PDE4D: variants seen among roughly 807,000 people sequenced by gnomAD.
PDE4D encodes 3',5'-cyclic-AMP phosphodiesterase 4D.
A neutral mutation model predicts 87.4 loss-of-function variants in PDE4D; 24 were observed. The ratio of observed to expected loss-of-function variants is 0.27; its 90% CI spans 0.20 to 0.39. The LOEUF (loss-of-function observed/expected upper bound fraction) is 0.39, where lower values mean the gene tolerates loss of function less well. PDE4D is among the 10% of genes least tolerant of loss of function. The pLI, the probability that PDE4D is intolerant of heterozygous loss-of-function variation, is 1.00. For synonymous variants in PDE4D, 384 were observed against 383.2 expected, an observed-to-expected ratio of 1.00 and a Z score of -0.02; for missense variants, 714 against 1,041.0, an observed-to-expected ratio of 0.69 and a Z score of 4.32.
chr5:59,756,509 T>TACACACACACAC (rs3062590), intron 1 of PDE4D, among the ~76,000 whole-genome samples: 10,957 of 144,912 alleles, frequency 0.076, 1,215 homozygotes, highest in African/African-American at 0.25. Flanking sequence ...ACCCAAAACA[T>TACACACACACAC]ACACACACAC....
intron 1 of PDE4D, among the ~76,000 whole-genome samples, chr5:59,241,637 C>T (rs908015621): frequency 2.0e-5 from 3 of 152,154 alleles, no homozygotes; most frequent in Admixed American, 2.0e-4. Context: ...TTGACGAAGT[C>T]ACAGCTCTGG....
At chr5:60,316,387 T>G (rs1303231311) in intron 1 of PDE4D, among the ~76,000 whole-genome samples, 2 of 152,188 alleles carry the variant, frequency 1.3e-5, no homozygotes, top group Non-Finnish European at 2.9e-5. Flanking sequence ...GATTTTGGGC[T>G]GAGACGATGG....
chr5:59,004,659 A>C (rs1463700507), intron 6 of PDE4D, among the ~76,000 whole-genome samples: 1 of 152,258 alleles, frequency 6.6e-6, no homozygotes, highest in Non-Finnish European at 1.5e-5. Context: ...ATACGTAAAA[A>C]GTAGTTGGGT....
chr5:60,243,756 C>T (rs1268772211), intron 1 of PDE4D, among the ~76,000 whole-genome samples: 1 of 151,816 alleles, frequency 6.6e-6, no homozygotes, highest in Admixed American at 6.6e-5. Context: ...ATTTCACATC[C>T]CTTTATGGTA....
intron 1 of PDE4D, among the ~76,000 whole-genome samples, chr5:60,203,639 A>T (rs924308869): frequency 3.3e-5 from 5 of 152,230 alleles, no homozygotes; most frequent in Non-Finnish European, 7.3e-5. Flanking sequence ...AAAAGTATAT[A>T]CAGTAATAGC....
At chr5:59,606,068 T>C (rs1417021319) in intron 1 of PDE4D, among the ~76,000 whole-genome samples, 2 of 152,066 alleles carry the variant, frequency 1.3e-5, no homozygotes, top group Admixed American at 1.3e-4. Flanking sequence ...TATATAGATA[T>C]ATACATATGT....
At chr5:60,185,936 G>GAAGA (rs1784743890) in intron 1 of PDE4D, among the ~76,000 whole-genome samples, 2 of 139,302 alleles carry the variant, frequency 1.4e-5, no homozygotes, top group African/African-American at 5.3e-5. Flanking sequence ...TTTAGTGGCT[G>GAAGA]AAAAAAAAAA....
chr5:60,265,498 CT>C (rs1400858197), intron 1 of PDE4D, among the ~76,000 whole-genome samples: 1 of 152,158 alleles, frequency 6.6e-6, no homozygotes, highest in African/African-American at 2.4e-5. Flanking sequence ...TGTGGTCAGG[CT>C]GTCTGATGAG....
chr5:60,165,800 C>A (rs1782838938), intron 2 of PDE4D, among the ~76,000 whole-genome samples: 1 of 150,772 alleles, frequency 6.6e-6, no homozygotes, highest in Non-Finnish European at 1.5e-5. Flanking sequence ...CCCTTGAGGG[C>A]AGAATATGAT....
At chr5:60,262,980 C>CA (rs1291000318) in intron 1 of PDE4D, among the ~76,000 whole-genome samples, 2 of 152,174 alleles carry the variant, frequency 1.3e-5, no homozygotes, top group African/African-American at 4.8e-5. Context: ...AAAAGAGCAG[C>CA]AAAGGAGAAA....
At chr5:59,383,244 C>T (rs995423283) in intron 1 of PDE4D, among the ~76,000 whole-genome samples, 6 of 152,148 alleles carry the variant, frequency 3.9e-5, no homozygotes, top group Admixed American at 1.3e-4. Flanking sequence ...ATGATGCCCC[C>T]TATTATGTCC....
intron 1 of PDE4D, among the ~76,000 whole-genome samples, chr5:59,844,424 G>A (rs1743515226): frequency 6.6e-6 from 1 of 151,900 alleles, no homozygotes; most frequent in Non-Finnish European, 1.5e-5. Context: ...ATATTTTACG[G>A]TATGCAGTTT....
At chr5:59,726,367 T>C (rs1756587396) in intron 1 of PDE4D, among the ~76,000 whole-genome samples, 1 of 152,112 alleles carries the variant, frequency 6.6e-6, no homozygotes, top group Non-Finnish European at 1.5e-5. Context: ...GTGGAAGCCC[T>C]AACCCTTTAT....
At chr5:59,043,046 C>T (rs983126161) in intron 5 of PDE4D, among the ~76,000 whole-genome samples, 9 of 152,164 alleles carry the variant, frequency 5.9e-5, no homozygotes, top group African/African-American at 1.7e-4. Flanking sequence ...ATCCACTGTA[C>T]GGGATGTGTA....
rs40203 is a variant in PDE4D, at chr5:59,203,624, T to A, written c.648-10088A>T. Among the ~76,000 whole-genome samples, 14 of 151,016 alleles carry A rather than the reference T, an allele frequency of 9.3e-5. 1 individual carries two copies. Among genetic ancestry groups the A allele is most frequent in the Non-Finnish European group, 2.1e-4 (14 of 67,612 alleles). ...ACAGATGAATAAAGAAAATGTTATA[T>A]ACACACACACACACACACACTAGAA... is the stretch of plus-strand genomic sequence containing the variant. On this transcript the variant is annotated intron_variant, in intron 2 of 14. Coordinates refer to ENST00000340635, the MANE Select transcript of PDE4D (RefSeq NM_001104631.2).
Position 60,235,427 on chromosome 5 carries a change from G to T in PDE4D, c.-89-49740C>A, listed in dbSNP as rs185268258. On this transcript the variant is annotated intron_variant, in intron 1 of 16. Transcript: ENST00000502484. Reference sequence around the variant, plus strand: ...CCTCCCGAAGTAGTTTGAAAAAGAGGGCTTGCTCCCAACCACTATGAACCT... The same window carrying T: ...CCTCCCGAAGTAGTTTGAAAAAGAGTGCTTGCTCCCAACCACTATGAACCT... 3.3e-4 allele frequency among the ~76,000 whole-genome samples: 50 copies of T among 151,810 alleles called. No homozygotes were observed. In the East Asian group the frequency reaches 9.1e-3, roughly 28 times the overall value.
At chr5:60,279,684 C>CTTTT (rs34720711) in intron 1 of PDE4D, among the ~76,000 whole-genome samples, 3 of 138,638 alleles carry the variant, frequency 2.2e-5, no homozygotes, top group Non-Finnish European at 3.1e-5. Flanking sequence ...TTGTTGATTT[C>CTTTT]TTTTTTTTTT....
intron 1 of PDE4D, among the ~76,000 whole-genome samples, chr5:60,396,025 A>C (rs1394048082): frequency 6.6e-6 from 1 of 152,240 alleles, no homozygotes; most frequent in Non-Finnish European, 1.5e-5. Context: ...ACTAGTGCCC[A>C]GCTGGAACAG....
At chr5:59,330,545 T>A (rs1307804963) in intron 1 of PDE4D, among the ~76,000 whole-genome samples, 3 of 152,184 alleles carry the variant, frequency 2.0e-5, no homozygotes, top group Admixed American at 1.3e-4. Context: ...CACACTCACA[T>A]ACATTCAAAT....
Sources: allele counts gnomAD v4.1 joint callset (sites outside exome capture counted in the v4.1 genomes callset), GRCh38; gene constraint gnomAD v4.1.1; transcripts MANE v1.5; gene names NCBI Gene and HGNC (gene_info 2026-07-23, HGNC 2026-07-21).